The following DYM variants were observed in gnomAD, a reference collection of about 807,000 sequenced individuals.
DYM encodes the protein dymeclin.
Under a neutral mutation model 93.1 loss-of-function variants are expected in DYM, and 78 were observed. The ratio of observed to expected loss-of-function variants is 0.84; its 90% CI spans 0.70 to 1.01. The LOEUF (loss-of-function observed/expected upper bound fraction) is 1.01, where lower values mean the gene tolerates loss of function less well. DYM is among the 50% of genes least tolerant of loss of function. The pLI is 0.00. For missense variants in DYM, 789 were observed against 845.0 expected (o/e 0.93, Z 0.82); for synonymous variants, 321 against 319.7 (o/e 1.00, Z -0.04).
chr18:49,080,174 T>A (rs1183065040), intron 17 of DYM, among the ~76,000 whole-genome samples: 1 of 34,366 alleles, frequency 2.9e-5, no homozygotes. Context: ...CCCCCCCACC[T>A]CCCTCCCGGA....
chr18:49,378,388 G>A (rs908252518), intron 5 of DYM, among the ~76,000 whole-genome samples, 179 bp downstream of exon 5: 2 of 151,894 alleles, frequency 1.3e-5, no homozygotes, highest in Admixed American at 6.6e-5. Flanking sequence ...AACAAAAAAC[G>A]CTTGAGTCTT....
At chr18:49,081,633 A>C (rs930829675) in intron 17 of DYM, among the ~76,000 whole-genome samples, 2 of 152,142 alleles carry the variant, frequency 1.3e-5, no homozygotes, top group Non-Finnish European at 2.9e-5. Flanking sequence ...TTTTGTTTTT[A>C]GCCAGGCTGT....
At chr18:49,086,251 C>T (rs2078515473) in intron 17 of DYM, among the ~76,000 whole-genome samples, 1 of 152,214 alleles carries the variant, frequency 6.6e-6, no homozygotes, top group African/African-American at 2.4e-5. Context: ...TGAGGGTGTT[C>T]TTGCTGGTGG....
At chr18:49,281,637 G>C (rs1019460316) in intron 10 of DYM, among the ~76,000 whole-genome samples, 3 of 152,194 alleles carry the variant, frequency 2.0e-5, no homozygotes, top group Non-Finnish European at 4.4e-5. Context: ...AAAAGGATGG[G>C]TTCGTGTCCT....
At chr18:49,353,470 G>A (rs2065289036) in intron 6 of DYM, among the ~76,000 whole-genome samples, 1 of 151,820 alleles carries the variant, frequency 6.6e-6, no homozygotes, top group Non-Finnish European at 1.5e-5. Context: ...AAGGGTGTGG[G>A]AAGTAGTATC....
intron 17 of DYM, among the ~76,000 whole-genome samples, chr18:49,064,404 C>A (rs1255280921): frequency 6.6e-6 from 1 of 152,160 alleles, no homozygotes; most frequent in East Asian, 1.9e-4. Context: ...AATGAAAATG[C>A]CTTTGAAGTA....
chr18:49,052,519 A>T (rs1468849433), intron 17 of DYM, among the ~76,000 whole-genome samples: 1 of 152,214 alleles, frequency 6.6e-6, no homozygotes, highest in Non-Finnish European at 1.5e-5. Flanking sequence ...AACCTAGAAA[A>T]GGTCACTCTT....
chr18:49,149,491 A>T (rs2085563349), intron 15 of DYM, among the ~76,000 whole-genome samples: 1 of 152,032 alleles, frequency 6.6e-6, no homozygotes, highest in African/African-American at 2.4e-5. Context: ...TTCCCATGGA[A>T]CTTGTTATCT....
chr18:49,111,565 A>G (rs1599833265), intron 16 of DYM, among the ~76,000 whole-genome samples: 1 of 152,104 alleles, frequency 6.6e-6, no homozygotes, highest in East Asian at 1.9e-4. Flanking sequence ...AGGTGAGCTA[A>G]ATTTGAGTTT....
intron 13 of DYM, among the ~76,000 whole-genome samples, chr18:49,255,899 G>A (rs188965101): frequency 6.7e-4 from 102 of 151,714 alleles, no homozygotes; most frequent in African/African-American, 2.0e-3. Flanking sequence ...TCTTTACAGG[G>A]TGAAACCCCA....
At chr18:49,044,263 T>A in intron 17 of DYM, 59 bp from the exon 18 acceptor site, 32 of 1,602,686 alleles carry the variant, frequency 2.0e-5, no homozygotes, top group Non-Finnish European at 2.7e-5. Context: ...GCAAAAGTGG[T>A]GAGAGTTTGC....
chr18:49,365,077 A>G (rs969554877), intron 5 of DYM, among the ~76,000 whole-genome samples: 3 of 152,178 alleles, frequency 2.0e-5, no homozygotes, highest in African/African-American at 7.2e-5. Flanking sequence ...TATGTACTCA[A>G]TACAATTTGC....
chr18:49,268,758 T>C (rs2094615902), intron 11 of DYM, among the ~76,000 whole-genome samples: 1 of 144,526 alleles, frequency 6.9e-6, no homozygotes, highest in Non-Finnish European at 1.5e-5. Context: ...TTTATATGCA[T>C]GTTATACTTC....
At chr18:49,216,706 A>G (rs1274549333) in intron 13 of DYM, among the ~76,000 whole-genome samples, 1 of 152,216 alleles carries the variant, frequency 6.6e-6, no homozygotes, top group African/African-American at 2.4e-5. Context: ...GTCTGTTAGA[A>G]GGAAAACTAA....
intron 17 of DYM, among the ~76,000 whole-genome samples, chr18:49,068,775 TCTC>T (rs1243003878): frequency 6.6e-6 from 1 of 152,218 alleles, no homozygotes; most frequent in Non-Finnish European, 1.5e-5. Flanking sequence ...GGAAACAGCT[TCTC>T]CTATTTCCTC....
rs1266187703 is a variant in DYM at position 49,285,608 on chromosome 18, G to A, written c.946+826C>T. 7.9e-5 allele frequency among the ~76,000 whole-genome samples: 12 copies of A among 152,170 alleles called. 1 individual carries two copies. Among genetic ancestry groups the A allele is most frequent in the Admixed American group, 7.9e-4 (12 of 15,272 alleles). ...CATGTTGAATAGGTCTGTTGGCTAG[G>A]AGCAATAGGCTACACCACATAGCCT... On this transcript the variant is annotated intron_variant, in intron 9 of 17. Coordinates refer to ENST00000675505, the MANE Select transcript of DYM (RefSeq NM_001353214.3).
rs1005628991 is a variant in DYM, at chr18:49,040,631, T to A, written c.*3424A>T. Among the ~76,000 whole-genome samples, 8 of 152,092 alleles carry A rather than the reference T, an allele frequency of 5.3e-5. No individual in the cohort carries two copies. The highest frequency in any genetic ancestry group is 1.9e-4 in the African/African-American group (8 of 41,400). On this transcript the variant is annotated 3_prime_UTR_variant, in exon 18 of 18. Transcript: ENST00000675505. Reference sequence around the variant, plus strand: ...TGGAGTCAGAAGGCCTAATAATCAGTCCCTAAAATCAAGTGGCAACTACTG... The same window carrying A: ...TGGAGTCAGAAGGCCTAATAATCAGACCCTAAAATCAAGTGGCAACTACTG...
At chr18:49,073,782 T>C (rs1010104906) in intron 17 of DYM, among the ~76,000 whole-genome samples, 5 of 152,282 alleles carry the variant, frequency 3.3e-5, no homozygotes, top group Middle Eastern at 3.4e-3. Context: ...TCTTTAACCA[T>C]TTAATCCATT....
chr18:49,257,213 A>C, intron 12 of DYM, 109 bp from the exon 13 acceptor site: 4 of 850,568 alleles, frequency 4.7e-6, no homozygotes, highest in Non-Finnish European at 7.8e-6. Context: ...CTGATTTTAG[A>C]AAGTTCAGAT....
Sources: allele counts gnomAD v4.1 joint callset (sites outside exome capture counted in the v4.1 genomes callset), GRCh38; gene constraint gnomAD v4.1.1; transcripts MANE v1.5; gene names NCBI Gene and HGNC (gene_info 2026-07-23, HGNC 2026-07-21).